The following NOD1 variants were observed in gnomAD, a reference collection of about 807,000 sequenced individuals.
The protein encoded by NOD1 is nucleotide binding oligomerization domain containing 1.
NOD1 carries 70 observed loss-of-function variants against 81.2 expected under a neutral mutation model. That is an observed-to-expected ratio of 0.86 (90% CI 0.71 to 1.05). The LOEUF is 1.05. Ranked by LOEUF, NOD1 falls within the 50% of genes least tolerant of loss-of-function variation. NOD1 has a pLI of 0.00. For synonymous variants in NOD1, 508 were observed against 526.9 expected (o/e 0.96, Z 0.49); for missense variants, 1,233 against 1,228.0 (o/e 1.00, Z -0.06).
intron 1 of NOD1, chr7:30,476,112 C>T (rs1788750505): frequency 6.6e-6 from 1 of 151,978 alleles, no homozygotes; most frequent in Non-Finnish European, 1.5e-5. Context: ...AAAAAAAATC[C>T]CCCCAATAAT....
intron 8 of NOD1, 97 bp downstream of exon 8, chr7:30,446,870 T>A: frequency 1.0e-6 from 1 of 991,146 alleles, no homozygotes; most frequent in Non-Finnish European, 1.5e-6. Context: ...TGGAAGGCTT[T>A]AGGATGAAAG....
Position 30,435,863 on chromosome 7 carries a change from C to T in NOD1, c.2621+135G>A, listed in dbSNP as rs5743362. ...AGTCTCAGGACTCGGAAGGCCAAGG[C>T]GGGAGGTTCGAATGAGCCTGGGAGG... is the stretch of plus-strand genomic sequence containing the variant. On this transcript the variant is annotated intron_variant, in intron 11 of 13. Transcript: ENST00000222823. The T allele has an allele frequency of 2.5e-3, 1,656 of 673,602 alleles. 26 individuals are homozygous for T. The African/African-American group carries it at 0.026, about 11-fold the overall frequency. The allele number at this position is 673,602 out of a possible 1,614,324, so 41.7% of individuals were successfully genotyped here.
rs745922842 is a variant in NOD1, at chr7:30,433,159, T to C, written c.2642A>G (p.Asn881Ser). ...TGCCAAACTCTCTGCCACTTCATCG[T>C]TGAGTTCATTTTGGGTCAGCCTAAG... is the stretch of plus-strand genomic sequence containing the variant. ...EILWLTQNEL[N>S]DEVAESLAEM... Residue 881 changes from asparagine (N) to serine (S), a missense_variant, in exon 12 of 14, where the codon AAC becomes AGC. Transcript: ENST00000222823. The C allele has an allele frequency of 6.2e-6, 10 of 1,613,962 alleles. No individual in the cohort carries two copies. The African/African-American group carries it at 6.7e-5, about 11-fold the overall frequency.
chr7:30,451,870 A>G lies in NOD1; in HGVS notation c.1547T>C (p.Phe516Ser). The G allele has an allele frequency of 6.2e-7, 1 of 1,613,740 alleles. No individual in the cohort carries two copies. The highest frequency in any genetic ancestry group is 1.1e-5 in the South Asian group (1 of 91,088). Residue 516 changes from phenylalanine (F) to serine (S), a missense_variant, in exon 6 of 14, where the codon TTC becomes TCC. Transcript: ENST00000222823. The surrounding 1 kb of genome is among the most constrained non-coding windows in gnomAD (Gnocchi z 4.2). ...PGGDQQSYEF[F>S]HLTLQAFFTA... ...AAAGAAGGCCTGGAGGGTGAGGTGG[A>G]AAAACTCATAGGACTGCTGGTCACC...
intron 6 of NOD1, 44 bp from the exon 7 acceptor site, chr7:30,448,425 C>A (rs1785342911): frequency 6.8e-7 from 1 of 1,459,946 alleles, no homozygotes; most frequent in South Asian, 1.1e-5. Flanking sequence ...GGCAGGCACT[C>A]ATTATGAAGG....
At chr7:30,456,308 G>A (rs531857071) in intron 4 of NOD1, among the ~76,000 whole-genome samples, 34 of 152,330 alleles carry the variant, frequency 2.2e-4, no homozygotes, top group South Asian at 1.0e-3. Flanking sequence ...TGGACCCACC[G>A]TGGGATGTCA....
chr7:30,425,231 T>A lies in NOD1; in HGVS notation c.*407A>T, dbSNP rs1014096473. 1 of 203,508 alleles carries A rather than the reference T, an allele frequency of 4.9e-6. No homozygotes were observed. The highest frequency in any genetic ancestry group is 2.3e-5 in the African/African-American group (1 of 42,926). The allele number at this position is 203,508 out of a possible 1,614,324, so 12.6% of individuals were successfully genotyped here. A position where few individuals can be genotyped will look rare whatever the true frequency, so the allele number is the denominator to read the frequency against. Reference sequence around the variant, plus strand: ...AGCTTGGCACCAACTTTGTGCCACATCCTCAACTCTTCAATGAAAAGAGCG... The same window carrying A: ...AGCTTGGCACCAACTTTGTGCCACAACCTCAACTCTTCAATGAAAAGAGCG... On this transcript the variant is annotated 3_prime_UTR_variant, in exon 14 of 14. Coordinates refer to ENST00000222823, the MANE Select transcript of NOD1 (RefSeq NM_006092.4).
At chr7:30,446,764 CT>C in intron 8 of NOD1, 1 of 554,684 alleles carries the variant, frequency 1.8e-6, no homozygotes. Context: ...AAATGCCAAC[CT>C]TTCCCCCTAC....
chr7:30,439,147 T>G (rs1271988216), intron 9 of NOD1, among the ~76,000 whole-genome samples: 1 of 152,184 alleles, frequency 6.6e-6, no homozygotes, highest in Non-Finnish European at 1.5e-5. Context: ...AAAATGGTGC[T>G]GCTGCCGTGG....
chr7:30,452,234 A>C lies in NOD1; in HGVS notation c.1183T>G (p.Trp395Gly). 1 of 1,613,842 alleles carries C rather than the reference A, an allele frequency of 6.2e-7. No individual in the cohort carries two copies. Among genetic ancestry groups the C allele is most frequent in the Non-Finnish European group, 8.5e-7 (1 of 1,180,008 alleles). ...TGCTGGAAGCACCGGAAGATGATCC[A>C]GCAGAAGAGGGGCACAGAGCACAGG... is the stretch of plus-strand genomic sequence containing the variant. ...CSLCSVPLFC[W>G]IIFRCFQHFR... The change falls in exon 6 of 14, where the codon TGG becomes GGG. Residue 395 changes from tryptophan to glycine, a missense_variant. Transcript: ENST00000222823.
intron 9 of NOD1, 81 bp downstream of exon 9, chr7:30,446,060 T>C: frequency 1.9e-6 from 2 of 1,043,946 alleles, no homozygotes; most frequent in Non-Finnish European, 3.0e-6. Context: ...TCTGGTGTAC[T>C]GATGTATGAA....
At chr7:30,465,074 T>A (rs1787540882) in intron 1 of NOD1, among the ~76,000 whole-genome samples, 1 of 151,878 alleles carries the variant, frequency 6.6e-6, no homozygotes, top group African/African-American at 2.4e-5. Context: ...GTATGGTGAA[T>A]GTGTGGAAGC....
At chr7:30,457,655 T>C (rs1009708215) in intron 3 of NOD1, among the ~76,000 whole-genome samples, 16 of 152,200 alleles carry the variant, frequency 1.1e-4, no homozygotes, top group African/African-American at 3.9e-4. Context: ...TTATTTTACA[T>C]AATAAGGTTA....
rs5743335 is a variant in NOD1, at chr7:30,459,213, T to A, written c.-183A>T. On this transcript the variant is annotated 5_prime_UTR_variant, in exon 3 of 14. Coordinates refer to ENST00000222823, the MANE Select transcript of NOD1 (RefSeq NM_006092.4). ...ATATTTTAAAACAACATTGTTTAAA[T>A]CTTCAATTTCCAATTTATTTCTGGA... 0.017 allele frequency: 2,638 copies of A among 152,772 alleles called. 34 individuals carry two copies. The highest frequency in any genetic ancestry group is 0.054 in the Middle Eastern group (16 of 294). The allele number at this position is 152,772 out of a possible 1,614,324, so 9.5% of individuals were successfully genotyped here.
intron 6 of NOD1, among the ~76,000 whole-genome samples, chr7:30,449,266 TG>T (rs759844985): frequency 1.3e-5 from 2 of 152,184 alleles, no homozygotes; most frequent in Non-Finnish European, 2.9e-5. Flanking sequence ...AGCTTGGTGC[TG>T]GGAAATAGTG....
chr7:30,430,109 G>A (rs1272261656), intron 12 of NOD1, among the ~76,000 whole-genome samples: 1 of 152,144 alleles, frequency 6.6e-6, no homozygotes, highest in Non-Finnish European at 1.5e-5. Flanking sequence ...TCTCCTTCCA[G>A]GTAGCTAGGG....
chr7:30,472,122 T>C (rs1254329173), intron 1 of NOD1, among the ~76,000 whole-genome samples: 2 of 152,250 alleles, frequency 1.3e-5, no homozygotes, highest in African/African-American at 4.8e-5. Context: ...TTGTATATTA[T>C]GAATGACAGG....
intron 12 of NOD1, among the ~76,000 whole-genome samples, chr7:30,431,965 C>T (rs1370798679): frequency 6.6e-6 from 1 of 152,044 alleles, no homozygotes; most frequent in Non-Finnish European, 1.5e-5. Context: ...ATGAGACAGG[C>T]ATGGTGGCTG....
At chr7:30,429,985 A>G (rs1783804165) in intron 12 of NOD1, among the ~76,000 whole-genome samples, 1 of 152,182 alleles carries the variant, frequency 6.6e-6, no homozygotes, top group South Asian at 2.1e-4. Context: ...GTGCCACTGC[A>G]CTCCAGCCTG....
Sources: gnomAD v4.1 joint callset for allele counts (sites outside exome capture counted in the v4.1 genomes callset) on GRCh38, gnomAD v4.1.1 for gene constraint, Gnocchi (gnomAD v3.1) non-coding constraint, MANE v1.5 for transcripts, NCBI Gene and HGNC (gene_info 2026-07-23, HGNC 2026-07-21) for gene names.